DBX1: variants seen among roughly 807,000 people sequenced by gnomAD.
DBX1 encodes homeobox protein DBX1.
DBX1 carries 10 observed loss-of-function variants against 20.8 expected under a neutral mutation model. The observed-to-expected ratio is 0.48, with a 90% CI of 0.30 to 0.82. The LOEUF (loss-of-function observed/expected upper bound fraction) is 0.82, where lower values mean the gene tolerates loss of function less well. Ranked by LOEUF, DBX1 falls within the 40% of genes least tolerant of loss-of-function variation. The pLI, the probability that DBX1 is intolerant of heterozygous loss-of-function variation, is 0.07. For synonymous variants in DBX1, 241 were observed against 213.9 expected (o/e 1.13, Z -1.11); for missense variants, 505 against 468.8 (o/e 1.08, Z -0.71).
Position 20,156,826 on chromosome 11 carries a change from G to A in DBX1, c.672+211C>T, listed in dbSNP as rs527653461. On this transcript the variant is annotated intron_variant, in intron 3 of 3. Coordinates refer to ENST00000524983, the MANE Select transcript of DBX1 (RefSeq NM_001029865.4). This position sits in a 1 kb window ranked among gnomAD's most constrained non-coding sequence, Gnocchi z 4.8. ...GGGTTGGGGGCCGGTGAGGCCGGGA[G>A]AGAAGGCGGGGAGTCGGGGTGGGGA... 1.3e-6 allele frequency: 1 copy of A among 753,106 alleles called. No homozygotes were observed. Among genetic ancestry groups the A allele is most frequent in the Admixed American group, 2.4e-5 (1 of 40,860 alleles). 46.7% of individuals were successfully genotyped at this position (753,106 alleles called of 1,614,324 possible). A position where few individuals can be genotyped will look rare whatever the true frequency, so the allele number is the denominator to read the frequency against.
At position 20,160,314 on chromosome 11, in the gene DBX1, G is replaced by A. The variant is rs1031004403; in HGVS notation, c.11C>T (p.Pro4Leu). The A allele has an allele frequency of 3.3e-6, 5 of 1,519,408 alleles. No individual in the cohort carries two copies. The highest frequency in any genetic ancestry group is 4.4e-6 in the Non-Finnish European group (5 of 1,135,510). 94.1% of individuals were successfully genotyped at this position (1,519,408 alleles called of 1,614,324 possible). MMFPGLLAPPAGYP... is the reference protein window; with the variant it reads MMFLGLLAPPAGYP... ...CCCGGCGGGGGGCGCGAGGAGGCCG[G>A]GGAACATCATGGTAGGCGCGGGCGG... Residue 4 changes from proline (P) to leucine (L), a missense_variant, in exon 1 of 4, where the codon CCC (proline) becomes CTC (leucine). Coordinates refer to ENST00000524983, the MANE Select transcript of DBX1 (RefSeq NM_001029865.4).
In DBX1 at chr11:20,157,088, G is replaced by C. The variant is rs746458483; in HGVS notation, c.621C>G (p.Ser207Arg). The C allele has an allele frequency of 1.2e-6, 2 of 1,614,062 alleles. No homozygotes were observed. Among genetic ancestry groups the C allele is most frequent in the African/African-American group, 1.3e-5 (1 of 75,068 alleles). ...EKMFQKQKYI[S>R]KPDRKKLAAK... ...CCGCCAGCTTCTTGCGGTCGGGCTTGCTGATGTACTTCTGCTTCTGGAACA... is the reference window on the plus strand; with the variant it reads ...CCGCCAGCTTCTTGCGGTCGGGCTTCCTGATGTACTTCTGCTTCTGGAACA... Residue 207 changes from serine (S) to arginine (R), a missense_variant, in exon 3 of 4, where the codon AGC (serine) becomes AGG (arginine). By Grantham distance (110) the Ser-to-Arg change is moderately radical. Coordinates refer to ENST00000524983, the MANE Select transcript of DBX1 (RefSeq NM_001029865.4).
chr11:20,159,307 A>AG lies in DBX1; in HGVS notation c.368-16dup, dbSNP rs752884555. The AG allele has an allele frequency of 2.0e-5, 31 of 1,558,780 alleles. No homozygotes were observed. The African/African-American group carries it at 3.8e-4, about 19-fold the overall frequency. On this transcript the variant is annotated splice_polypyrimidine_tract_variant and intron_variant, in intron 1 of 3. Coordinates refer to ENST00000524983, the MANE Select transcript of DBX1 (RefSeq NM_001029865.4). ...TGGGGATGTTTCTGGTGGGCGATGGAGGGGGGACAGAAGGAGAGAGGGAGA... is the reference window on the plus strand; with the variant it reads ...TGGGGATGTTTCTGGTGGGCGATGGAGGGGGGGACAGAAGGAGAGAGGGAGA...
chr11:20,157,010 G>T (rs755565948), intron 3 of DBX1, 27 bp downstream of exon 3: 13 of 1,610,174 alleles, frequency 8.1e-6, no homozygotes, highest in Admixed American at 1.7e-5. Context: ...GGGGGCGGGG[G>T]GGGTGCTGTG....
At position 20,157,053 on chromosome 11, in the gene DBX1, C is replaced by T; in HGVS notation, c.656G>A (p.Gly219Asp). 5 of 1,613,958 alleles carry T rather than the reference C, an allele frequency of 3.1e-6. No homozygotes were observed. The highest frequency in any genetic ancestry group is 4.2e-6 in the Non-Finnish European group (5 of 1,179,994). ...TGCGCTCACCTGCGAGTCTTTCAGG[C>T]CCAGCTTGGCCGCCAGCTTCTTGCG... The part of the protein sequence containing the change: ...PDRKKLAAKL[G>D]LKDSQVKIWF... The change falls in exon 3 of 4, where the codon GGC becomes GAC. Residue 219 changes from glycine to aspartate, a missense_variant. Gly to Asp is a moderately conservative substitution (Grantham distance 94, BLOSUM62 -1). Coordinates refer to ENST00000524983, the MANE Select transcript of DBX1 (RefSeq NM_001029865.4).
Position 20,156,669 on chromosome 11 carries a change from G to A in DBX1, c.673-96C>T. ...GGGCGGGGAGTGGAGTCGGGTGCAG[G>A]CTCTGTCCTTCGGGCTGTGTCCTCT... On this transcript the variant is annotated intron_variant, in intron 3 of 3. Coordinates refer to ENST00000524983, the MANE Select transcript of DBX1 (RefSeq NM_001029865.4). The surrounding 1 kb of genome is among the most constrained non-coding windows in gnomAD (Gnocchi z 4.8). The A allele has an allele frequency of 6.4e-7, 1 of 1,557,536 alleles. No individual in the cohort carries two copies. The highest frequency in any genetic ancestry group is 8.8e-7 in the Non-Finnish European group (1 of 1,131,288).
rs2063660558 is a variant in DBX1, at chr11:20,156,778, C to G, written c.673-205G>C. The G allele has an allele frequency of 5.7e-6, 5 of 883,888 alleles. No individual in the cohort carries two copies. The highest frequency in any genetic ancestry group is 1.6e-5 in the African/African-American group (1 of 61,084). 54.8% of individuals were successfully genotyped at this position (883,888 alleles called of 1,614,324 possible). A position where few individuals can be genotyped will look rare whatever the true frequency, so the allele number is the denominator to read the frequency against. Reference sequence around the variant, plus strand: ...CTCGCGGTTCCGTTTGCCTCATCCGCTGCCACCCTGCCCCGAAGGGCGGGG... The same window carrying G: ...CTCGCGGTTCCGTTTGCCTCATCCGGTGCCACCCTGCCCCGAAGGGCGGGG... On this transcript the variant is annotated intron_variant, in intron 3 of 3. Coordinates refer to ENST00000524983, the MANE Select transcript of DBX1 (RefSeq NM_001029865.4). The surrounding 1 kb of genome is among the most constrained non-coding windows in gnomAD (Gnocchi z 4.8).
In DBX1 at chr11:20,156,431, C is replaced by G; in HGVS notation, c.815G>C (p.Gly272Ala). 1 of 1,607,348 alleles carries G rather than the reference C, an allele frequency of 6.2e-7. No individual in the cohort carries two copies. Among genetic ancestry groups the G allele is most frequent in the South Asian group, 1.1e-5 (1 of 90,612 alleles). ...CTCCTCCTCCTCTTCGTTCCCAGGG[C>G]CCTTCTGGCCCACGTCGCTGAGGTC... ...HPDLSDVGQK[G>A]PGNEEEEEGP... is the part of the protein sequence containing the mutation. Residue 272 changes from glycine to alanine, a missense_variant, in exon 4 of 4, where the codon GGC (glycine) becomes GCC (alanine). By Grantham distance (60) the Gly-to-Ala change is moderately conservative. Coordinates refer to ENST00000524983, the MANE Select transcript of DBX1 (RefSeq NM_001029865.4). The surrounding 1 kb of genome is among the most constrained non-coding windows in gnomAD (Gnocchi z 4.8).
At chr11:20,158,823 A>G (rs1022387273) in intron 2 of DBX1, among the ~76,000 whole-genome samples, 1 of 151,918 alleles carries the variant, frequency 6.6e-6, no homozygotes, top group African/African-American at 2.4e-5. Flanking sequence ...GGAGCTGACC[A>G]ATTGGTCATG....
rs758680660 is a variant in DBX1, at chr11:20,157,094, G to A, written c.615C>T (p.Tyr205=). 5 of 1,613,938 alleles carry A rather than the reference G, an allele frequency of 3.1e-6. No homozygotes were observed. Among genetic ancestry groups the A allele is most frequent in the Middle Eastern group, 3.3e-4 (2 of 6,082 alleles). ...ALEKMFQKQK[Y]ISKPDRKKLA... ...GCTTCTTGCGGTCGGGCTTGCTGAT[G>A]TACTTCTGCTTCTGGAACATCTTCT... Residue 205 remains tyrosine (Y), a synonymous_variant, in exon 3 of 4, where the codon TAC becomes TAT. Transcript: ENST00000524983.
In DBX1 at chr11:20,156,950, C is replaced by T; in HGVS notation, c.672+87G>A. The T allele has an allele frequency of 2.1e-6, 3 of 1,395,798 alleles. No homozygotes were observed. Among genetic ancestry groups the T allele is most frequent in the Non-Finnish European group, 3.0e-6 (3 of 1,005,672 alleles). The allele number at this position is 1,395,798 out of a possible 1,614,324, so 86.5% of individuals were successfully genotyped here. A position where few individuals can be genotyped will look rare whatever the true frequency, so the allele number is the denominator to read the frequency against. On this transcript the variant is annotated intron_variant, in intron 3 of 3. Transcript: ENST00000524983. The surrounding 1 kb of genome is among the most constrained non-coding windows in gnomAD (Gnocchi z 4.8). The stretch of plus-strand genomic sequence containing the variant: ...CCCATCTGTACAGTGGGACCTAAGC[C>T]GTTTCCGAACCCTTGCAATTGACGG...
At position 20,156,670 on chromosome 11, in the gene DBX1, C is replaced by A; in HGVS notation, c.673-97G>T. On this transcript the variant is annotated intron_variant, in intron 3 of 3. Transcript: ENST00000524983. This position sits in a 1 kb window ranked among gnomAD's most constrained non-coding sequence, Gnocchi z 4.8. ...GGCGGGGAGTGGAGTCGGGTGCAGGCTCTGTCCTTCGGGCTGTGTCCTCTC... is the reference window on the plus strand; with the variant it reads ...GGCGGGGAGTGGAGTCGGGTGCAGGATCTGTCCTTCGGGCTGTGTCCTCTC... 5.1e-6 allele frequency: 8 copies of A among 1,555,950 alleles called. No individual in the cohort carries two copies. Among genetic ancestry groups the A allele is most frequent in the Non-Finnish European group, 7.1e-6 (8 of 1,130,038 alleles).
intron 1 of DBX1, among the ~76,000 whole-genome samples, chr11:20,159,673 C>T (rs575408843): frequency 1.3e-5 from 2 of 152,220 alleles, no homozygotes; most frequent in South Asian, 4.1e-4. Flanking sequence ...GAAACGCAGA[C>T]GTCCAGGAGC....
At position 20,156,995 on chromosome 11, in the gene DBX1, AGGGCGG is replaced by A. The variant is rs2063661992; in HGVS notation, c.672+36_672+41del. On this transcript the variant is annotated intron_variant, in intron 3 of 3. Transcript: ENST00000524983. The surrounding 1 kb of genome is among the most constrained non-coding windows in gnomAD (Gnocchi z 4.8). Reference sequence around the variant, plus strand: ...TGACGGGTGCGCCGGGGAGGGGTGAAGGGCGGGGGCGGGGGGGGTGCTGTGGAGGAA... The same window carrying A: ...TGACGGGTGCGCCGGGGAGGGGTGAAGGGCGGGGGGGGTGCTGTGGAGGAA... 7.1e-7 allele frequency: 1 copy of A among 1,416,078 alleles called. No homozygotes were observed. Among genetic ancestry groups the A allele is most frequent in the Non-Finnish European group, 9.3e-7 (1 of 1,072,946 alleles). The allele number at this position is 1,416,078 out of a possible 1,614,324, so 87.7% of individuals were successfully genotyped here. A position where few individuals can be genotyped will look rare whatever the true frequency, so the allele number is the denominator to read the frequency against.
Position 20,157,089 on chromosome 11 carries a change from C to G in DBX1, c.620G>C (p.Ser207Thr). The change falls in exon 3 of 4, where the codon AGC (serine) becomes ACC (threonine). Residue 207 changes from serine (S) to threonine (T), a missense_variant. Coordinates refer to ENST00000524983, the MANE Select transcript of DBX1 (RefSeq NM_001029865.4). ...EKMFQKQKYI[S>T]KPDRKKLAAK... ...CGCCAGCTTCTTGCGGTCGGGCTTGCTGATGTACTTCTGCTTCTGGAACAT... is the reference window on the plus strand; with the variant it reads ...CGCCAGCTTCTTGCGGTCGGGCTTGGTGATGTACTTCTGCTTCTGGAACAT... 1 of 1,614,046 alleles carries G rather than the reference C, an allele frequency of 6.2e-7. No homozygotes were observed.
rs1592272826 is a variant in DBX1 at position 20,156,934 on chromosome 11, A to C, written c.672+103T>G. ...TCTAGGCCTCGGTTTTCCCATCTGTACAGTGGGACCTAAGCCGTTTCCGAA... is the reference window on the plus strand; with the variant it reads ...TCTAGGCCTCGGTTTTCCCATCTGTCCAGTGGGACCTAAGCCGTTTCCGAA... On this transcript the variant is annotated intron_variant, in intron 3 of 3. Transcript: ENST00000524983. The surrounding 1 kb of genome is among the most constrained non-coding windows in gnomAD (Gnocchi z 4.8). 2 of 1,222,026 alleles carry C rather than the reference A, an allele frequency of 1.6e-6. No homozygotes were observed. The highest frequency in any genetic ancestry group is 3.7e-5 in the Admixed American group (2 of 53,336). The allele number at this position is 1,222,026 out of a possible 1,614,324, so 75.7% of individuals were successfully genotyped here.
chr11:20,156,389 C>G lies in DBX1; in HGVS notation c.857G>C (p.Ser286Thr). ...GGACGCGTGGTAGGCCAGGCGGTGG[C>G]TGGGGCTGCCCGGGCCCTCCTCCTC... ...EEEEEGPGSP[S>T]HRLAYHASSD... Residue 286 changes from serine (S) to threonine (T), a missense_variant, in exon 4 of 4, where the codon AGC becomes ACC. Coordinates refer to ENST00000524983, the MANE Select transcript of DBX1 (RefSeq NM_001029865.4). The surrounding 1 kb of genome is among the most constrained non-coding windows in gnomAD (Gnocchi z 4.8). 1 of 1,605,404 alleles carries G rather than the reference C, an allele frequency of 6.2e-7. No homozygotes were observed. The highest frequency in any genetic ancestry group is 1.1e-5 in the South Asian group (1 of 90,678).
chr11:20,159,920 G>A (rs781301260), intron 1 of DBX1, 38 bp downstream of exon 1: 2 of 1,613,764 alleles, frequency 1.2e-6, no homozygotes, highest in South Asian at 2.2e-5. Flanking sequence ...CGCATGCCTA[G>A]TACCTGAATG....
At position 20,156,830 on chromosome 11, in the gene DBX1, A is replaced by G; in HGVS notation, c.672+207T>C. On this transcript the variant is annotated intron_variant, in intron 3 of 3. Coordinates refer to ENST00000524983, the MANE Select transcript of DBX1 (RefSeq NM_001029865.4). This position sits in a 1 kb window ranked among gnomAD's most constrained non-coding sequence, Gnocchi z 4.8. ...TGGGGGCCGGTGAGGCCGGGAGAGA[A>G]GGCGGGGAGTCGGGGTGGGGAGAGA... The G allele has an allele frequency of 1.3e-6, 1 of 741,876 alleles. No homozygotes were observed. Among genetic ancestry groups the G allele is most frequent in the Non-Finnish European group, 2.2e-6 (1 of 453,408 alleles). The allele number at this position is 741,876 out of a possible 1,614,324, so 46.0% of individuals were successfully genotyped here.
Sources: gnomAD v4.1 joint callset for allele counts (sites outside exome capture counted in the v4.1 genomes callset) on GRCh38, gnomAD v4.1.1 for gene constraint, Gnocchi (gnomAD v3.1) non-coding constraint, MANE v1.5 for transcripts, NCBI Gene and HGNC (gene_info 2026-07-23, HGNC 2026-07-21) for gene names.